PDE11A: variants seen among roughly 807,000 people sequenced by gnomAD.
The protein encoded by PDE11A is phosphodiesterase 11A, also known as dual 3',5'-cyclic-AMP and -GMP phosphodiesterase 11A.
In PDE11A, 100 loss-of-function variants were observed where a neutral mutation model predicts 100.5. The ratio of observed to expected loss-of-function variants is 1.00; its 90% CI spans 0.85 to 1.18. The LOEUF is 1.18. PDE11A is among the 50% of genes most tolerant of loss of function. The pLI is 0.00. For synonymous variants in PDE11A, 381 were observed against 420.8 expected (o/e 0.91, Z 1.16); for missense variants, 1,141 against 1,152.6 (o/e 0.99, Z 0.15).
At position 177,919,706 on chromosome 2, in the gene PDE11A, A is replaced by T. The variant is rs1040842024; in HGVS notation, c.1072-14519T>A. Among the ~76,000 whole-genome samples, 108 of 152,146 alleles carry T rather than the reference A, an allele frequency of 7.1e-4. 1 individual carries two copies. The highest frequency in any genetic ancestry group is 1.5e-3 in the Non-Finnish European group (102 of 67,996). ...AATAAAAAGATATTGAATCAATATT[A>T]AAAAGATATCAATTACCTGTCCAAA... On this transcript the variant is annotated intron_variant, in intron 2 of 19. Transcript: ENST00000286063.
chr2:178,050,092 C>T (rs1057390668), intron 1 of PDE11A, among the ~76,000 whole-genome samples: 37 of 152,192 alleles, frequency 2.4e-4, no homozygotes, highest in African/African-American at 7.9e-4. Context: ...AACTGGGAGG[C>T]GCCTCCCAGT....
chr2:177,990,375 T>A (rs1230135188), intron 2 of PDE11A, among the ~76,000 whole-genome samples: 3 of 152,198 alleles, frequency 2.0e-5, no homozygotes, highest in African/African-American at 7.2e-5. Flanking sequence ...ATAACAGAGC[T>A]TAACGATTTT....
At position 177,769,365 on chromosome 2, in the gene PDE11A, T is replaced by A; in HGVS notation, c.1746A>T (p.Ser582=). ...AKQSVALDVL[S]YHATCSKAEV... is the part of the protein sequence containing the mutation. The stretch of plus-strand genomic sequence containing the variant: ...CAGCTTTTGAACATGTTGCATGGTA[T>A]GATAGCACCTGATTCAGAAGAAAAA... Residue 582 remains serine, a synonymous_variant, in exon 10 of 20, where the codon TCA becomes TCT. Transcript: ENST00000286063. The A allele has an allele frequency of 6.3e-7, 1 of 1,575,302 alleles. No individual in the cohort carries two copies. The highest frequency in any genetic ancestry group is 8.7e-7 in the Non-Finnish European group (1 of 1,144,666).
intron 9 of PDE11A, among the ~76,000 whole-genome samples, chr2:177,772,260 G>A (rs1358647849): frequency 2.0e-5 from 3 of 151,976 alleles, no homozygotes; most frequent in Non-Finnish European, 4.4e-5. Flanking sequence ...ATATTCTACT[G>A]GGAAATTTTA....
chr2:177,995,171 C>T (rs1408848827), intron 2 of PDE11A, among the ~76,000 whole-genome samples: 1 of 152,154 alleles, frequency 6.6e-6, no homozygotes, highest in Non-Finnish European at 1.5e-5. Flanking sequence ...GGCTTTGGGC[C>T]ACTGGCTGAT....
chr2:177,812,574 T>C (rs1386769612), intron 9 of PDE11A, among the ~76,000 whole-genome samples: 5 of 152,066 alleles, frequency 3.3e-5, no homozygotes, highest in African/African-American at 1.2e-4. Context: ...TTTCAACTTG[T>C]TCAAGCAGGC....
intron 10 of PDE11A, among the ~76,000 whole-genome samples, chr2:177,728,673 T>A (rs958595090): frequency 6.6e-6 from 1 of 152,216 alleles, no homozygotes; most frequent in South Asian, 2.1e-4. Flanking sequence ...ATATTCAGAA[T>A]GATCGAAAGG....
chr2:177,947,064 C>T (rs1461823578), intron 2 of PDE11A, among the ~76,000 whole-genome samples: 108 of 69,032 alleles, frequency 1.6e-3, no homozygotes, highest in Non-Finnish European at 2.6e-3. Context: ...AGGTGAGGGG[C>T]GCCTCTGCCC....
chr2:177,840,517 C>T, intron 5 of PDE11A, 134 bp from the exon 6 acceptor site: 2 of 768,172 alleles, frequency 2.6e-6, no homozygotes, highest in South Asian at 1.5e-5. Flanking sequence ...AGTCACAGAA[C>T]AATAGCAAGG....
chr2:177,704,241 A>T (rs1435591859), intron 13 of PDE11A, among the ~76,000 whole-genome samples: 1 of 152,158 alleles, frequency 6.6e-6, no homozygotes, highest in African/African-American at 2.4e-5. Flanking sequence ...TGTGTCAGGA[A>T]TTTTTCTCTG....
At chr2:178,073,386 G>T (rs2087164612), upstream of PDE11A, among the ~76,000 whole-genome samples, 1 of 152,038 alleles carries the variant, frequency 6.6e-6, no homozygotes, top group African/African-American at 2.4e-5. Flanking sequence ...ATGTACCTGG[G>T]GCAGAGACAG....
chr2:177,870,460 G>T (rs146784722), intron 5 of PDE11A, among the ~76,000 whole-genome samples: 1 of 152,148 alleles, frequency 6.6e-6, no homozygotes, highest in Non-Finnish European at 1.5e-5. Context: ...ACATGCACAG[G>T]CAATAGCTGT....
intron 2 of PDE11A, among the ~76,000 whole-genome samples, chr2:177,966,544 G>C (rs1221699058): frequency 6.6e-6 from 1 of 150,964 alleles, no homozygotes; most frequent in Non-Finnish European, 1.5e-5. Context: ...AGTTTATAGA[G>C]GGTGTTTTTT....
chr2:177,908,297 G>A (rs1411567995), intron 2 of PDE11A, among the ~76,000 whole-genome samples: 1 of 152,174 alleles, frequency 6.6e-6, no homozygotes, highest in African/African-American at 2.4e-5. Context: ...GCAAAACCCA[G>A]TTTCCGGAGA....
At chr2:177,666,810 A>T (rs1159786195) in intron 18 of PDE11A, among the ~76,000 whole-genome samples, 1 of 152,024 alleles carries the variant, frequency 6.6e-6, no homozygotes, top group East Asian at 1.9e-4. Flanking sequence ...CATAAAAGAT[A>T]TATGATTTGC....
chr2:178,105,088 GAAAT>G (rs1356969864), intron 1 of PDE11A, among the ~76,000 whole-genome samples: 1 of 152,138 alleles, frequency 6.6e-6, no homozygotes, highest in Non-Finnish European at 1.5e-5. Context: ...AAAGCAATCA[GAAAT>G]AACATTATTG....
intron 18 of PDE11A, among the ~76,000 whole-genome samples, 191 bp downstream of exon 18, chr2:177,669,302 G>A (rs1041711871): frequency 1.4e-4 from 21 of 152,244 alleles, no homozygotes; most frequent in African/African-American, 4.8e-4. Context: ...TTGTTAAGTA[G>A]CTCACCACTC....
intron 3 of PDE11A, among the ~76,000 whole-genome samples, chr2:177,901,701 T>A (rs2084701039): frequency 6.6e-6 from 1 of 152,220 alleles, no homozygotes; most frequent in Non-Finnish European, 1.5e-5. Context: ...TGTTTAGACA[T>A]TAAAAATGAG....
rs763719744 is a variant in PDE11A at position 178,071,787 on chromosome 2, G to A, written c.651C>T (p.Asp217=). The A allele has an allele frequency of 4.3e-6, 7 of 1,613,440 alleles. No individual in the cohort carries two copies. In the South Asian group the frequency reaches 6.6e-5, roughly 15 times the overall value. The change falls in exon 1 of 20, where the codon GAC becomes GAT. Residue 217 remains aspartate (D), a synonymous_variant. Coordinates refer to ENST00000286063, the MANE Select transcript of PDE11A (RefSeq NM_016953.4). ...GAATCTTGTAGCTCAGGCTGGTGAG[G>A]TCAAGGTCATTGGAGATATCTTTGA... The part of the protein sequence containing the change: ...ELVKDISNDL[D]LTSLSYKILI...
Sources: gnomAD v4.1 joint callset for allele counts (sites outside exome capture counted in the v4.1 genomes callset) on GRCh38, gnomAD v4.1.1 for gene constraint, MANE v1.5 for transcripts, NCBI Gene and HGNC (gene_info 2026-07-23, HGNC 2026-07-21) for gene names.